Variants in DOK6 observed in about 807,000 individuals in gnomAD.
DOK6 encodes downstream of tyrosine kinase 6.
DOK6 carries 22 observed loss-of-function variants against 44.0 expected under a neutral mutation model. The ratio of observed to expected loss-of-function variants is 0.50; its 90% CI spans 0.36 to 0.71. The LOEUF is 0.71. Ranked by LOEUF, DOK6 falls within the 30% of genes least tolerant of loss-of-function variation. The probability of loss-of-function intolerance (pLI) is 0.00; values close to 1 mark genes in which losing one functional copy is unlikely to be tolerated. For synonymous variants in DOK6, 166 were observed against 145.5 expected (o/e 1.14, Z -1.01); for missense variants, 340 against 416.4 (o/e 0.82, Z 1.60).
Position 69,639,749 on chromosome 18 carries a change from CAGAA to C in DOK6, c.290-37977_290-37974del, listed in dbSNP as rs746728930. 5.8e-4 allele frequency among the ~76,000 whole-genome samples: 88 copies of C among 151,928 alleles called. 1 individual carries two copies. The highest frequency in any genetic ancestry group is 9.3e-4 in the Non-Finnish European group (63 of 67,958). On this transcript the variant is annotated intron_variant, in intron 3 of 7. Transcript: ENST00000382713. ...GGGAGGAAATAAGGGGAAAGGAAGA[CAGAA>C]AGAAAGAGAAAGGAGAGAAAAAGTC... is the stretch of plus-strand genomic sequence containing the variant.
intron 2 of DOK6, among the ~76,000 whole-genome samples, chr18:69,565,873 A>G (rs952987976): frequency 1.3e-5 from 2 of 152,224 alleles, no homozygotes; most frequent in African/African-American, 4.8e-5. Context: ...AATTATTTGA[A>G]TTCTAAAGTC....
chr18:69,566,291 T>C (rs1237797972), intron 2 of DOK6, among the ~76,000 whole-genome samples: 1 of 152,052 alleles, frequency 6.6e-6, no homozygotes, highest in Non-Finnish European at 1.5e-5. Context: ...CGCCCGCCAC[T>C]GCACCCAGCT....
intron 7 of DOK6, among the ~76,000 whole-genome samples, chr18:69,802,946 G>A: frequency 6.6e-6 from 1 of 152,050 alleles, no homozygotes. Context: ...GCCAAAGAAA[G>A]TAGGAATTGA....
intron 7 of DOK6, among the ~76,000 whole-genome samples, chr18:69,813,817 C>T (rs1010675049): frequency 2.0e-5 from 3 of 152,016 alleles, no homozygotes; most frequent in Non-Finnish European, 4.4e-5. Context: ...ACAATCCTAG[C>T]AAAGGCATTA....
At chr18:69,753,162 ATC>A (rs368901123) in intron 6 of DOK6, among the ~76,000 whole-genome samples, 66 of 152,348 alleles carry the variant, frequency 4.3e-4, no homozygotes, top group African/African-American at 7.7e-4. Context: ...GAGGATTGGA[ATC>A]TCTTTGATAT....
chr18:69,711,023 C>A (rs1986742998), intron 5 of DOK6, among the ~76,000 whole-genome samples: 1 of 152,190 alleles, frequency 6.6e-6, no homozygotes, highest in South Asian at 2.1e-4. Context: ...ACTCTTCAGG[C>A]TAGGTCTACA....
chr18:69,769,657 A>G (rs9956267), intron 7 of DOK6, among the ~76,000 whole-genome samples: 149,867 of 152,226 alleles, frequency 0.98, 73,830 homozygotes, highest in East Asian at 1. Context: ...GTTTGAGGAT[A>G]TCTCTACATT....
rs1982319029 is a variant in DOK6 at position 69,845,130 on chromosome 18, T to C, written c.*3747T>C. 1 of 152,216 alleles carries C rather than the reference T, an allele frequency of 6.6e-6. No homozygotes were observed. The highest frequency in any genetic ancestry group is 6.5e-5 in the Admixed American group (1 of 15,286). The allele number at this position is 152,216 out of a possible 1,614,324, so 9.4% of individuals were successfully genotyped here. A position where few individuals can be genotyped will look rare whatever the true frequency, so the allele number is the denominator to read the frequency against. On this transcript the variant is annotated 3_prime_UTR_variant, in exon 8 of 8. Transcript: ENST00000382713. ...ATGGGGACCCTACTCCCTAGATTATTTGAGCCATTTACTAAAATTGGCCAT... is the reference window on the plus strand; with the variant it reads ...ATGGGGACCCTACTCCCTAGATTATCTGAGCCATTTACTAAAATTGGCCAT...
At chr18:69,585,347 A>G (rs1983474218) in intron 2 of DOK6, among the ~76,000 whole-genome samples, 1 of 152,018 alleles carries the variant, frequency 6.6e-6, no homozygotes, top group Non-Finnish European at 1.5e-5. Flanking sequence ...AATAGGATAT[A>G]ATTTGTATAA....
intron 1 of DOK6, among the ~76,000 whole-genome samples, chr18:69,447,881 T>C (rs1979341731): frequency 6.6e-6 from 1 of 152,258 alleles, no homozygotes; most frequent in Non-Finnish European, 1.5e-5. Flanking sequence ...TTATATTCCT[T>C]ATCTCAGGTT....
At chr18:69,566,767 A>G (rs1451088841) in intron 2 of DOK6, among the ~76,000 whole-genome samples, 3 of 152,232 alleles carry the variant, frequency 2.0e-5, no homozygotes, top group Admixed American at 2.0e-4. Flanking sequence ...CTGAAGAAAG[A>G]GCATTTTACC....
chr18:69,604,941 T>C (rs1599217138), intron 3 of DOK6, among the ~76,000 whole-genome samples: 1 of 152,196 alleles, frequency 6.6e-6, no homozygotes, highest in Non-Finnish European at 1.5e-5. Context: ...TGGTGAAGTC[T>C]GAAGAAACCC....
chr18:69,433,713 TA>T (rs1370843778), intron 1 of DOK6, among the ~76,000 whole-genome samples: 1 of 152,170 alleles, frequency 6.6e-6, no homozygotes, highest in Non-Finnish European at 1.5e-5. Flanking sequence ...TCTTCCCTTC[TA>T]AAAACCTGGA....
intron 1 of DOK6, among the ~76,000 whole-genome samples, chr18:69,413,458 C>A (rs943108654): frequency 4.6e-5 from 7 of 151,968 alleles, no homozygotes; most frequent in Non-Finnish European, 1.0e-4. Context: ...TAAATAGGGA[C>A]CCACACAAAT....
At chr18:69,697,679 T>A (rs1986419610) in intron 4 of DOK6, among the ~76,000 whole-genome samples, 1 of 151,550 alleles carries the variant, frequency 6.6e-6, no homozygotes, top group East Asian at 1.9e-4. Context: ...CAGCATAACT[T>A]TGCAATAGCC....
chr18:69,653,065 G>A (rs1985272510), intron 3 of DOK6, among the ~76,000 whole-genome samples: 1 of 152,058 alleles, frequency 6.6e-6, no homozygotes, highest in African/African-American at 2.4e-5. Context: ...GGTAAATAGT[G>A]GATATTTTTC....
At chr18:69,745,109 G>A (rs975047636) in intron 6 of DOK6, among the ~76,000 whole-genome samples, 6 of 151,960 alleles carry the variant, frequency 3.9e-5, no homozygotes, top group African/African-American at 1.5e-4. Context: ...CTTAAAACTT[G>A]TTTCCTTAAA....
intron 3 of DOK6, among the ~76,000 whole-genome samples, chr18:69,638,094 TG>T (rs1351067991): frequency 6.6e-6 from 1 of 152,230 alleles, no homozygotes; most frequent in Non-Finnish European, 1.5e-5. Context: ...GAGCAGAAGT[TG>T]GCAAACTTTT....
At position 69,581,961 on chromosome 18, in the gene DOK6, G is replaced by A. The variant is rs1599204389; in HGVS notation, c.174+17367G>A. ...AAGGATAGCCAGATGGGCCTGACAT[G>A]CTGCCTCTTAACAGCATCAAACTGC... On this transcript the variant is annotated intron_variant, in intron 2 of 7. Coordinates refer to ENST00000382713, the MANE Select transcript of DOK6 (RefSeq NM_152721.6). Among the ~76,000 whole-genome samples, 4 of 152,314 alleles carry A rather than the reference G, an allele frequency of 2.6e-5. No homozygotes were observed. In the South Asian group the frequency reaches 8.3e-4, roughly 32 times the overall value.
Sources: gnomAD v4.1 joint callset for allele counts (sites outside exome capture counted in the v4.1 genomes callset) on GRCh38, gnomAD v4.1.1 for gene constraint, MANE v1.5 for transcripts, NCBI Gene and HGNC (gene_info 2026-07-23, HGNC 2026-07-21) for gene names.